G3BP2: variants seen among roughly 807,000 people sequenced by gnomAD.
The protein encoded by G3BP2 is ras GTPase-activating protein-binding protein 2.
Under a neutral mutation model 56.7 loss-of-function variants are expected in G3BP2, and 11 were observed. The observed-to-expected ratio is 0.19, with a 90% CI of 0.12 to 0.32. G3BP2 has a LOEUF of 0.32. Ranked by LOEUF, G3BP2 falls within the 10% of genes least tolerant of loss-of-function variation. The pLI, the probability that G3BP2 is intolerant of heterozygous loss-of-function variation, is 1.00. For missense variants in G3BP2, 340 were observed against 610.9 expected (o/e 0.56, Z 4.67); for synonymous variants, 165 against 191.6 (o/e 0.86, Z 1.15).
chr4:75,694,630 C>A (rs887694828), intron 3 of G3BP2, among the ~76,000 whole-genome samples: 2 of 152,140 alleles, frequency 1.3e-5, no homozygotes, highest in African/African-American at 4.8e-5. Context: ...GACTCCTACT[C>A]GGGAGGGTGA....
rs763495948 is a variant in G3BP2, at chr4:75,647,090, T to C, written c.996A>G (p.Gln332=). The C allele has an allele frequency of 2.5e-6, 4 of 1,598,230 alleles. No individual in the cohort carries two copies. The highest frequency in any genetic ancestry group is 3.3e-5 in the Admixed American group (2 of 59,770). Residue 332 remains glutamine, a synonymous_variant, in exon 10 of 12, where the codon CAA becomes CAG. Transcript: ENST00000359707. ...RRIIRYPDSH[Q]LFVGNLPHDI... ...CATGTGGCAAGTTACCAACAAAAAG[T>C]TGATGACTATCTGGATAGCGAATTA...
intron 11 of G3BP2, 101 bp downstream of exon 11, chr4:75,646,237 A>G: frequency 4.6e-6 from 3 of 657,018 alleles, no homozygotes; most frequent in Middle Eastern, 3.4e-4. Flanking sequence ...AACTATTTTT[A>G]GCTTTATTAT....
At chr4:75,707,783 T>C (rs1431950270) in intron 3 of G3BP2, among the ~76,000 whole-genome samples, 1 of 152,152 alleles carries the variant, frequency 6.6e-6, no homozygotes, top group Admixed American at 6.5e-5. Flanking sequence ...TTTTCAAACT[T>C]TGTGGCATTT....
rs2148938282 is a variant in G3BP2 at position 75,645,533 on chromosome 4, C to T, written c.1346G>A (p.Arg449His). The change falls in exon 12 of 12, where the codon CGT (arginine) becomes CAT (histidine). Residue 449 changes from arginine to histidine, a missense_variant. This residue lies in a region of G3BP2 where 94 missense variants were observed against 173.8 expected (regional missense o/e 0.54). Coordinates refer to ENST00000359707, the MANE Select transcript of G3BP2 (RefSeq NM_203505.3). Reference sequence around the variant, plus strand: ...CCTTGGAGGAGGTCCTCTTCCATCACGATCACGCATCATTCCACCACCCAC... The same window carrying T: ...CCTTGGAGGAGGTCCTCTTCCATCATGATCACGCATCATTCCACCACCCAC... ...GIVGGGMMRD[R>H]DGRGPPPRGG... The T allele has an allele frequency of 1.2e-6, 2 of 1,614,042 alleles. No individual in the cohort carries two copies. The highest frequency in any genetic ancestry group is 1.7e-6 in the Non-Finnish European group (2 of 1,179,996).
chr4:75,657,467 T>C (rs1204756724), intron 4 of G3BP2, 90 bp downstream of exon 4: 27 of 915,702 alleles, frequency 2.9e-5, no homozygotes, highest in Middle Eastern at 2.7e-4. Context: ...AATAACAATA[T>C]GCAAATCTAA....
chr4:75,677,782 T>C (rs1431915370), upstream of G3BP2, among the ~76,000 whole-genome samples: 1 of 152,270 alleles, frequency 6.6e-6, no homozygotes, highest in African/African-American at 2.4e-5. Context: ...CCACTACTAA[T>C]TCAGTTAGGA....
intron 3 of G3BP2, among the ~76,000 whole-genome samples, chr4:75,716,544 T>C (rs1719933743): frequency 6.8e-6 from 1 of 147,174 alleles, no homozygotes; most frequent in African/African-American, 2.5e-5. Flanking sequence ...AGACAGAGTT[T>C]CCCTCTTGTC....
intron 3 of G3BP2, among the ~76,000 whole-genome samples, chr4:75,713,362 T>C (rs937661970): frequency 6.6e-6 from 1 of 152,170 alleles, no homozygotes; most frequent in African/African-American, 2.4e-5. Context: ...GAAAGTTTGA[T>C]GAGAAACAGG....
At chr4:75,673,546 AGCACGCGCAGTACGCTGCC>A, upstream of G3BP2, 2 of 1,232,068 alleles carry the variant, frequency 1.6e-6, no homozygotes, top group Non-Finnish European at 2.0e-6. Context: ...CCCTCTGCGG[AGCACGCGCAGTACGCTGCC>A]GCGCTCGCAC....
intron 9 of G3BP2, among the ~76,000 whole-genome samples, chr4:75,647,554 C>T (rs759040801): frequency 1.3e-5 from 2 of 152,132 alleles, no homozygotes; most frequent in Non-Finnish European, 2.9e-5. Flanking sequence ...TATGACATTA[C>T]AGCAATCAGT....
At chr4:75,687,596 A>G (rs983424623) in intron 3 of G3BP2, among the ~76,000 whole-genome samples, 2 of 152,184 alleles carry the variant, frequency 1.3e-5, no homozygotes, top group African/African-American at 4.8e-5. Flanking sequence ...ATGATTTGTA[A>G]CTCTTTGCTT....
chr4:75,662,034 T>C lies in G3BP2; in HGVS notation c.-9A>G. 1.3e-6 allele frequency: 2 copies of C among 1,592,070 alleles called. No homozygotes were observed. Among genetic ancestry groups the C allele is most frequent in the Non-Finnish European group, 1.7e-6 (2 of 1,162,262 alleles). On this transcript the variant is annotated 5_prime_UTR_variant, in exon 2 of 12. Transcript: ENST00000359707. The stretch of plus-strand genomic sequence containing the variant: ...GGCTTCTCCATAACCATTTCTTTGC[T>C]GCACAATGTCAAATGCTGAGGGAGC...
chr4:75,664,788 G>T (rs1317003632), intron 1 of G3BP2, among the ~76,000 whole-genome samples: 2 of 152,116 alleles, frequency 1.3e-5, no homozygotes, highest in Non-Finnish European at 2.9e-5. Context: ...GACAAAGGTT[G>T]CAGTGAGCCG....
intron 1 of G3BP2, among the ~76,000 whole-genome samples, chr4:75,668,885 T>G (rs1733265457): frequency 6.6e-6 from 1 of 152,222 alleles, no homozygotes; most frequent in Non-Finnish European, 1.5e-5. Flanking sequence ...CATAGCAGTT[T>G]ATTGATCATG....
intron 1 of G3BP2, among the ~76,000 whole-genome samples, chr4:75,669,091 A>G (rs1265885852): frequency 6.6e-6 from 1 of 152,170 alleles, no homozygotes; most frequent in Non-Finnish European, 1.5e-5. Flanking sequence ...AGAGTTCTAT[A>G]AGGCAAATTT....
In G3BP2 at chr4:75,719,902, T is replaced by G. The variant is rs140305912; in HGVS notation, c.-25+975A>C. Among the ~76,000 whole-genome samples the G allele has an allele frequency of 8.0e-3, 1,224 of 152,156 alleles. 22 individuals are homozygous for G. The highest frequency in any genetic ancestry group is 0.028 in the African/African-American group (1,175 of 41,496). On this transcript the variant is annotated intron_variant, in intron 3 of 3. Transcript: ENST00000499709. ...CCGTGCCCGGCCTGGTCTCATTTCT[T>G]ATCTCCTGAGAGAGGTAGCTGTCCA...
chr4:75,695,469 C>T (rs1261104097), intron 3 of G3BP2, among the ~76,000 whole-genome samples: 2 of 152,082 alleles, frequency 1.3e-5, no homozygotes, highest in African/African-American at 4.8e-5. Context: ...CCTGGACCTC[C>T]CCAGAAATTA....
At chr4:75,674,716 ATATTTTTTTTTTTTTTT>A (rs1733784486), upstream of G3BP2, among the ~76,000 whole-genome samples, 1 of 53,082 alleles carries the variant, frequency 1.9e-5, no homozygotes, top group Non-Finnish European at 3.7e-5. Context: ...ATATATATAT[ATATTTTTTTTTTTTTTT>A]TTTTTTTAAG....
intron 11 of G3BP2, 85 bp from the exon 12 acceptor site, chr4:75,645,787 C>T: frequency 8.0e-7 from 1 of 1,251,092 alleles, no homozygotes; most frequent in Non-Finnish European, 1.1e-6. Context: ...GTCAGATAAG[C>T]ATAAGGAATA....
Sources: gnomAD v4.1 joint callset for allele counts (sites outside exome capture counted in the v4.1 genomes callset) on GRCh38, gnomAD v4.1.1 for gene constraint, gnomAD v4.1.1 regional missense constraint, MANE v1.5 for transcripts, NCBI Gene and HGNC (gene_info 2026-07-23, HGNC 2026-07-21) for gene names.